Variants in PRDM1 observed in about 807,000 individuals in gnomAD.
PRDM1 encodes the protein PR domain zinc finger protein 1.
Under a neutral mutation model 62.8 loss-of-function variants are expected in PRDM1, and 13 were observed. The ratio of observed to expected loss-of-function variants is 0.21; its 90% CI spans 0.13 to 0.33. PRDM1 has a LOEUF of 0.33. Ranked by LOEUF, PRDM1 falls within the 10% of genes least tolerant of loss-of-function variation. The pLI is 1.00. For synonymous variants in PRDM1, 396 were observed against 417.6 expected (o/e 0.95, Z 0.63); for missense variants, 895 against 1,058.8 (o/e 0.85, Z 2.15).
At chr6:106,031,898 T>TGG (rs1772849133) in intron 1 of PRDM1, among the ~76,000 whole-genome samples, 13 of 152,178 alleles carry the variant, frequency 8.5e-5, no homozygotes, top group African/African-American at 2.9e-4. Flanking sequence ...CATCCCAGTT[T>TGG]TGTTTTTTTA....
chr6:106,024,659 C>T (rs1240224849), intron 1 of PRDM1, among the ~76,000 whole-genome samples: 1 of 152,088 alleles, frequency 6.6e-6, no homozygotes, highest in Non-Finnish European at 1.5e-5. Flanking sequence ...TTAAATCTCA[C>T]CAAATCTGAA....
At position 106,095,701 on chromosome 6, in the gene PRDM1, T is replaced by C. The variant is rs974754646; in HGVS notation, c.378T>C (p.Val126=). Residue 126 remains valine, a synonymous_variant, in exon 3 of 7, where the codon GTT becomes GTC. Coordinates refer to ENST00000369096, the MANE Select transcript of PRDM1 (RefSeq NM_001198.4). ...GTGAAATCTACACCAATGACACAGT[T>C]CCTAAGAACGCCAACAGGAAATATT... ...LIGEIYTNDT[V]PKNANRKYFW... is the part of the protein sequence containing the mutation. The C allele has an allele frequency of 1.9e-6, 3 of 1,613,978 alleles. No individual in the cohort carries two copies. Among genetic ancestry groups the C allele is most frequent in the Non-Finnish European group, 2.5e-6 (3 of 1,180,006 alleles).
In PRDM1 at chr6:106,106,784, A is replaced by C. The variant is rs1269894843; in HGVS notation, c.1903-127A>C. 3 of 1,114,868 alleles carry C rather than the reference A, an allele frequency of 2.7e-6. No individual in the cohort carries two copies. In the East Asian group the frequency reaches 7.2e-5, roughly 27 times the overall value. 69.1% of individuals were successfully genotyped at this position (1,114,868 alleles called of 1,614,324 possible). A position where few individuals can be genotyped will look rare whatever the true frequency, so the allele number is the denominator to read the frequency against. Reference sequence around the variant, plus strand: ...TGCTTAATACCACACTGGAGGTGCCACAAGGAGGCTTCTCACCTCCTAGGT... The same window carrying C: ...TGCTTAATACCACACTGGAGGTGCCCCAAGGAGGCTTCTCACCTCCTAGGT... On this transcript the variant is annotated intron_variant, in intron 6 of 6. Transcript: ENST00000369096. This position sits in a 1 kb window ranked among gnomAD's most constrained non-coding sequence, Gnocchi z 4.4.
Position 106,105,673 on chromosome 6 carries a change from A to G in PRDM1, c.1513A>G (p.Met505Val). 1 of 1,612,510 alleles carries G rather than the reference A, an allele frequency of 6.2e-7. No homozygotes were observed. The highest frequency in any genetic ancestry group is 8.5e-7 in the Non-Finnish European group (1 of 1,178,792). Residue 505 changes from methionine to valine, a missense_variant, in exon 5 of 7, where the codon ATG becomes GTG. Around this residue, in one of 4 missense-constraint regions of PRDM1, gnomAD observed 444 missense variants for 422.7 expected, o/e 1.05. Coordinates refer to ENST00000369096, the MANE Select transcript of PRDM1 (RefSeq NM_001198.4). ...CTCCTTTACCGGGGCCGCCGCCAGC[A>G]TGAAGGACAAGGCCTGTAGCCCCAC... is the stretch of plus-strand genomic sequence containing the variant. ...AFSFTGAAAS[M>V]KDKACSPTSG...
At chr6:106,014,558 C>T (rs1364473110) in intron 1 of PRDM1, among the ~76,000 whole-genome samples, 1 of 151,496 alleles carries the variant, frequency 6.6e-6, no homozygotes, top group Non-Finnish European at 1.5e-5. Flanking sequence ...ATATGATCTA[C>T]GTTTAATCTA....
rs36077280 is a variant in PRDM1, at chr6:106,109,091, CAAAAAAAAAAAA to C, written c.*1616_*1627del. The C allele has an allele frequency of 1.6e-4, 20 of 121,808 alleles. No individual in the cohort carries two copies. Among genetic ancestry groups the C allele is most frequent in the Non-Finnish European group, 2.5e-4 (16 of 64,710 alleles). 7.5% of individuals were successfully genotyped at this position (121,808 alleles called of 1,614,324 possible). On this transcript the variant is annotated 3_prime_UTR_variant, in exon 7 of 7. Coordinates refer to ENST00000369096, the MANE Select transcript of PRDM1 (RefSeq NM_001198.4). ...GTAAAAGATCTACTTTTTCTAAGGGCAAAAAAAAAAAAAAAAAAAAAAGAACACTCCTTTCTG... is the reference window on the plus strand; with the variant it reads ...GTAAAAGATCTACTTTTTCTAAGGGCAAAAAAAAAAGAACACTCCTTTCTG...
At chr6:106,075,106 T>A (rs536754604) in intron 1 of PRDM1, among the ~76,000 whole-genome samples, 1 of 140,774 alleles carries the variant, frequency 7.1e-6, no homozygotes, top group African/African-American at 3.3e-5. Context: ...TTGACCAAAT[T>A]AGGGGGGAAT....
chr6:106,025,541 G>A (rs1160865445), intron 1 of PRDM1, among the ~76,000 whole-genome samples: 1 of 152,106 alleles, frequency 6.6e-6, no homozygotes, highest in Admixed American at 6.6e-5. Flanking sequence ...CCCAGATTTG[G>A]AATAGTCAAA....
rs200267837 is a variant in PRDM1 at position 106,014,653 on chromosome 6, TATTAA to T, written c.-67+21022_-67+21026del. On this transcript the variant is annotated intron_variant, in intron 1 of 6. Coordinates refer to the PRDM1 transcript ENST00000652320. ...GATAGATAATAGATTTAATCTATAA[TATTAA>T]ATTAAATATACTATAAATTTATTTA... 4.7e-5 allele frequency among the ~76,000 whole-genome samples: 7 copies of T among 150,340 alleles called. No individual in the cohort carries two copies. The East Asian group carries it at 1.4e-3, about 29-fold the overall frequency.
chr6:106,058,139 T>C (rs1376765066), intron 1 of PRDM1, among the ~76,000 whole-genome samples: 1 of 152,184 alleles, frequency 6.6e-6, no homozygotes, highest in Non-Finnish European at 1.5e-5. Context: ...TGGGACAGCC[T>C]CTAAGTCAGT....
At chr6:106,013,389 G>A (rs374620795) in intron 1 of PRDM1, among the ~76,000 whole-genome samples, 28 of 148,850 alleles carry the variant, frequency 1.9e-4, no homozygotes, top group South Asian at 6.3e-4. Flanking sequence ...GTGCAACTGC[G>A]TGATCTCAGC....
intron 1 of PRDM1, among the ~76,000 whole-genome samples, chr6:106,078,525 A>C (rs1391183269): frequency 1.3e-5 from 2 of 152,226 alleles, no homozygotes; most frequent in African/African-American, 2.4e-5. Flanking sequence ...GTGTTATATC[A>C]GTGCTTTTGA....
chr6:106,107,427 C>G lies in PRDM1; in HGVS notation c.2419C>G (p.Pro807Ala), dbSNP rs1379554287. 1 of 1,613,892 alleles carries G rather than the reference C, an allele frequency of 6.2e-7. No individual in the cohort carries two copies. The highest frequency in any genetic ancestry group is 1.1e-5 in the South Asian group (1 of 91,068). Residue 807 changes from proline (P) to alanine (A), a missense_variant, in exon 7 of 7, where the codon CCA becomes GCA. Pro to Ala is a conservative substitution (Grantham distance 27, BLOSUM62 -1). Around this residue, in one of 4 missense-constraint regions of PRDM1, gnomAD observed 164 missense variants for 179.9 expected, o/e 0.91. Coordinates refer to ENST00000369096, the MANE Select transcript of PRDM1 (RefSeq NM_001198.4). ...CCTCATGAAGTTGCCTCCCAGCAAC[C>G]CACTACCTCTGGTACCTGTAAAGGT... ...LPLMKLPPSN[P>A]LPLVPVKVKQ... is the part of the protein sequence containing the mutation.
intron 1 of PRDM1, among the ~76,000 whole-genome samples, chr6:106,005,195 C>T (rs1366425711): frequency 6.6e-6 from 1 of 152,196 alleles, no homozygotes; most frequent in Non-Finnish European, 1.5e-5. Context: ...GAAGAATGTT[C>T]AATTACCCCA....
chr6:106,060,827 G>A (rs2114592416), intron 1 of PRDM1, among the ~76,000 whole-genome samples: 1 of 152,106 alleles, frequency 6.6e-6, no homozygotes, highest in Middle Eastern at 3.4e-3. Flanking sequence ...GATAAAGGGG[G>A]AGAAAACAAT....
At position 105,994,311 on chromosome 6, in the gene PRDM1, G is replaced by A. The variant is rs1772319503; in HGVS notation, c.-67+672G>A. Among the ~76,000 whole-genome samples the A allele has an allele frequency of 6.6e-6, 1 of 151,982 alleles. No individual in the cohort carries two copies. On this transcript the variant is annotated intron_variant, in intron 1 of 6. Coordinates refer to the PRDM1 transcript ENST00000652320. The surrounding 1 kb of genome is among the most constrained non-coding windows in gnomAD (Gnocchi z 4.1). ...CAAATTCCACGGTGAACTCTACCAA[G>A]CTCAGCGCGTACACAGCTAGCGGCT...
At chr6:106,084,671 T>C (rs17558797), upstream of PRDM1, among the ~76,000 whole-genome samples, 5,144 of 152,330 alleles carry the variant, frequency 0.034, 125 homozygotes, top group East Asian at 0.08. Flanking sequence ...TCCATTGTGG[T>C]GCTGACTCAG....
chr6:106,055,416 CCTGG>C (rs1773248841), intron 1 of PRDM1, among the ~76,000 whole-genome samples: 1 of 152,056 alleles, frequency 6.6e-6, no homozygotes, highest in Non-Finnish European at 1.5e-5. Context: ...TGATTAGTAG[CCTGG>C]TTCACTATTA....
intron 1 of PRDM1, among the ~76,000 whole-genome samples, chr6:106,077,618 C>T (rs879437812): frequency 2.6e-5 from 4 of 152,196 alleles, no homozygotes; most frequent in Admixed American, 6.5e-5. Flanking sequence ...AATGTTTCCA[C>T]GAATGTCTGA....
Sources: gnomAD v4.1 joint callset for allele counts (sites outside exome capture counted in the v4.1 genomes callset) on GRCh38, gnomAD v4.1.1 for gene constraint, gnomAD v4.1.1 regional missense constraint, Gnocchi (gnomAD v3.1) non-coding constraint, MANE v1.5 for transcripts, NCBI Gene and HGNC (gene_info 2026-07-23, HGNC 2026-07-21) for gene names.